The following TRIP12 variants were observed in gnomAD, a reference collection of about 807,000 sequenced individuals.
TRIP12 encodes the protein E3 ubiquitin-protein ligase TRIP12.
A neutral mutation model predicts 244.2 loss-of-function variants in TRIP12; 25 were observed. The observed-to-expected ratio is 0.10, with a 90% confidence interval of 0.07 to 0.14. TRIP12 has a LOEUF of 0.14. Ranked by LOEUF, TRIP12 falls within the 10% of genes least tolerant of loss-of-function variation. The pLI, the probability that TRIP12 is intolerant of heterozygous loss-of-function variation, is 1.00. For missense variants in TRIP12, 1,677 were observed against 2,486.4 expected (o/e 0.67, Z 6.92); for synonymous variants, 905 against 873.1 (o/e 1.04, Z -0.64).
At chr2:229,773,911 G>A (rs547780612) in intron 38 of TRIP12, 186 bp downstream of exon 38, 15 of 490,134 alleles carry the variant, frequency 3.1e-5, no homozygotes, top group African/African-American at 2.7e-4. Flanking sequence ...ATATAAGACA[G>A]GAAATATCTG....
chr2:229,914,512 G>C (rs2075000757), intron 1 of TRIP12, among the ~76,000 whole-genome samples: 1 of 152,246 alleles, frequency 6.6e-6, no homozygotes, highest in South Asian at 2.1e-4. Context: ...AGGACACAAA[G>C]TAGCTTAAAT....
At chr2:229,798,366 A>G (rs1320836368) in intron 23 of TRIP12, among the ~76,000 whole-genome samples, 1 of 152,122 alleles carries the variant, frequency 6.6e-6, no homozygotes, top group Non-Finnish European at 1.5e-5. Context: ...TATTTTCTCA[A>G]TGACATTTGG....
At position 229,844,512 on chromosome 2, in the gene TRIP12, T is replaced by G. The variant is rs559156263; in HGVS notation, c.1028-3585A>C. On this transcript the variant is annotated intron_variant, in intron 4 of 41. Transcript: ENST00000675903. ...AAAGGCATGTTAATCTTTCATATGG[T>G]AATCTGAGATACACATCAGACCTAT... Among the ~76,000 whole-genome samples, 7 of 152,338 alleles carry G rather than the reference T, an allele frequency of 4.6e-5. No homozygotes were observed. In the South Asian group the frequency reaches 1.4e-3, roughly 32 times the overall value.
chr2:229,891,160 C>A (rs142405589), intron 1 of TRIP12, among the ~76,000 whole-genome samples: 1 of 152,092 alleles, frequency 6.6e-6, no homozygotes, highest in Non-Finnish European at 1.5e-5. Context: ...GTGGCTGACA[C>A]CTGTAATGCC....
intron 4 of TRIP12, among the ~76,000 whole-genome samples, chr2:229,855,376 A>C (rs2059416845): frequency 6.6e-6 from 1 of 152,222 alleles, no homozygotes; most frequent in South Asian, 2.1e-4. Context: ...TTAAAAGCAC[A>C]GTAAATACAT....
At position 229,811,063 on chromosome 2, in the gene TRIP12, T is replaced by C. The variant is rs1476017623; in HGVS notation, c.2056-18A>G. The C allele has an allele frequency of 6.2e-7, 1 of 1,613,696 alleles. No individual in the cohort carries two copies. The highest frequency in any genetic ancestry group is 1.7e-4 in the Middle Eastern group (1 of 6,060). On this transcript the variant is annotated intron_variant, in intron 14 of 41. Transcript: ENST00000675903. Reference sequence around the variant, plus strand: ...AGTAAATTCTTCACAAACACAAGAATAAAGGAATTATTACATCAAGATTCA... The same window carrying C: ...AGTAAATTCTTCACAAACACAAGAACAAAGGAATTATTACATCAAGATTCA...
chr2:229,828,929 A>G (rs763265528), intron 8 of TRIP12, among the ~76,000 whole-genome samples: 12 of 152,202 alleles, frequency 7.9e-5, no homozygotes, highest in Non-Finnish European at 1.8e-4. Context: ...TCTATGCAAA[A>G]CATGCCATCA....
chr2:229,807,434 T>A, intron 17 of TRIP12: 4 of 452,134 alleles, frequency 8.8e-6, no homozygotes, highest in Non-Finnish European at 1.6e-5. Flanking sequence ...AGTCTTCCAA[T>A]GTTTCCTTTC....
intron 1 of TRIP12, among the ~76,000 whole-genome samples, chr2:229,908,016 TA>T (rs2073319993): frequency 6.6e-6 from 1 of 152,208 alleles, no homozygotes; most frequent in Non-Finnish European, 1.5e-5. Context: ...AGCCTAGATT[TA>T]AACTGAATCT....
At chr2:229,871,981 T>C (rs1025490479) in intron 2 of TRIP12, among the ~76,000 whole-genome samples, 9 of 152,026 alleles carry the variant, frequency 5.9e-5, no homozygotes, top group African/African-American at 1.7e-4. Context: ...TCATTTGCTA[T>C]GGCAAAAACC....
At chr2:229,908,619 C>G (rs1014165416) in intron 1 of TRIP12, among the ~76,000 whole-genome samples, 1 of 151,924 alleles carries the variant, frequency 6.6e-6, no homozygotes, top group African/African-American at 2.4e-5. Context: ...GTAGTCCCAG[C>G]TACTCGGAGA....
In TRIP12 at chr2:229,806,398, A is replaced by G. The variant is rs147932784; in HGVS notation, c.2497-515T>C. Among the ~76,000 whole-genome samples, 29 of 152,362 alleles carry G rather than the reference A, an allele frequency of 1.9e-4. No individual in the cohort carries two copies. In the East Asian group the frequency reaches 4.4e-3, roughly 23 times the overall value. ...CACAACTGAAACAGATTAATCGCCA[A>G]GGTTGTGTGTGGTATACAGAACATA... On this transcript the variant is annotated intron_variant, in intron 17 of 41. Transcript: ENST00000675903.
chr2:229,894,938 T>C (rs1298498106), intron 1 of TRIP12, among the ~76,000 whole-genome samples: 1 of 152,172 alleles, frequency 6.6e-6, no homozygotes, highest in Non-Finnish European at 1.5e-5. Context: ...AAGAGCAAAG[T>C]AAACCTTTAG....
intron 2 of TRIP12, among the ~76,000 whole-genome samples, chr2:229,867,074 A>C (rs1446923417): frequency 6.7e-6 from 1 of 149,838 alleles, no homozygotes; most frequent in Non-Finnish European, 1.5e-5. Flanking sequence ...CAAAGTATAT[A>C]TATATACACA....
chr2:229,771,772 G>T, intron 38 of TRIP12, 140 bp from the exon 39 acceptor site: 1 of 578,272 alleles, frequency 1.7e-6, no homozygotes, highest in Non-Finnish European at 3.0e-6. Flanking sequence ...AAAATAATCT[G>T]CTAGAAAACT....
chr2:229,796,065 C>T (rs1238043228), intron 25 of TRIP12, among the ~76,000 whole-genome samples: 1 of 152,236 alleles, frequency 6.6e-6, no homozygotes, highest in East Asian at 1.9e-4. Flanking sequence ...CCAAGGATTA[C>T]CCTCTTGCTC....
chr2:229,858,621 T>C (rs532058615), intron 4 of TRIP12, 151 bp downstream of exon 4: 12 of 647,308 alleles, frequency 1.9e-5, no homozygotes, highest in African/African-American at 1.1e-4. Flanking sequence ...ACTTACTACA[T>C]GCTGTTATGT....
intron 2 of TRIP12, among the ~76,000 whole-genome samples, chr2:229,878,209 T>TC (rs2064004417): frequency 6.6e-6 from 1 of 152,122 alleles, no homozygotes; most frequent in South Asian, 2.1e-4. Flanking sequence ...CCGAGCACTC[T>TC]GAGGCCAAGG....
Position 229,815,084 on chromosome 2 carries a change from TA to T in TRIP12, c.1731+14del, listed in dbSNP as rs749717658. 4.4e-6 allele frequency: 7 copies of T among 1,596,356 alleles called. No homozygotes were observed. Among genetic ancestry groups the T allele is most frequent in the South Asian group, 3.4e-5 (3 of 87,866 alleles). ...TATGCCTGCTTTTGAACAAACGGGG[TA>T]AAAGTAGGATCACCTTTTCTAAAAA... is the stretch of plus-strand genomic sequence containing the variant. On this transcript the variant is annotated intron_variant, in intron 11 of 41. Coordinates refer to ENST00000675903, the MANE Select transcript of TRIP12 (RefSeq NM_001348323.3).
Sources: allele counts gnomAD v4.1 joint callset (sites outside exome capture counted in the v4.1 genomes callset), GRCh38; gene constraint gnomAD v4.1.1; transcripts MANE v1.5; gene names NCBI Gene and HGNC (gene_info 2026-07-23, HGNC 2026-07-21).